The following EYS variants were observed in gnomAD, a reference collection of about 807,000 sequenced individuals.
EYS encodes the protein protein eyes shut homolog.
EYS carries 250 observed loss-of-function variants against 282.1 expected under a neutral mutation model. The ratio of observed to expected loss-of-function variants is 0.89; its 90% confidence interval spans 0.80 to 0.98. The LOEUF is 0.98. Among genes scored for constraint, EYS ranks in the 50% least tolerant of loss-of-function variants. The probability of loss-of-function intolerance (pLI) is 0.00; values close to 1 mark genes in which losing one functional copy is unlikely to be tolerated. For synonymous variants in EYS, 1,355 were observed against 1,282.9 expected, an observed-to-expected ratio of 1.06 and a Z score of -1.20; for missense variants, 4,016 against 3,709.0, an observed-to-expected ratio of 1.08 and a Z score of -2.15.
rs1248002900 is a variant in EYS, at chr6:64,945,796, T to C, written c.2378A>G (p.Tyr793Cys). 8 of 1,549,140 alleles carry C rather than the reference T, an allele frequency of 5.2e-6. No individual in the cohort carries two copies. The highest frequency in any genetic ancestry group is 3.9e-5 in the Admixed American group (2 of 50,894). Residue 793 changes from tyrosine (Y) to cysteine (C), a missense_variant, in exon 15 of 43, where the codon TAT (tyrosine) becomes TGT (cysteine). By Grantham distance (194) the Tyr-to-Cys change is radical. Coordinates refer to ENST00000503581, the MANE Select transcript of EYS (RefSeq NM_001142800.2). ...AAGCTAAAAATATGTTACTCACCGA[T>C]AGCTTTTGTAAAGGTCAGTACAGGT... ...NSTCTDLYKS[Y>C]RCECTSGWTG...
chr6:64,808,084 CTCCCTTCCCTTCT>C (rs1022120035), intron 22 of EYS, among the ~76,000 whole-genome samples: 12 of 149,662 alleles, frequency 8.0e-5, no homozygotes, highest in South Asian at 2.1e-4. Context: ...CCTTCCCTTC[CTCCCTTCCCTTCT>C]TCCCTTCCCT....
intron 12 of EYS, among the ~76,000 whole-genome samples, chr6:65,269,422 T>A (rs1453960828): frequency 6.6e-6 from 1 of 152,142 alleles, no homozygotes; most frequent in Non-Finnish European, 1.5e-5. Flanking sequence ...CATGTGTAGG[T>A]ATTTCCTGAA....
intron 31 of EYS, among the ~76,000 whole-genome samples, chr6:64,186,332 G>C (rs1471983902): frequency 6.6e-6 from 1 of 151,992 alleles, no homozygotes; most frequent in African/African-American, 2.4e-5. Context: ...AGAAAGTAAT[G>C]TGGGAGCCAA....
At chr6:64,161,107 T>A (rs1775092956) in intron 31 of EYS, among the ~76,000 whole-genome samples, 1 of 152,200 alleles carries the variant, frequency 6.6e-6, no homozygotes, top group Non-Finnish European at 1.5e-5. Flanking sequence ...GAATTACCAA[T>A]TTTATATCAA....
chr6:65,677,264 G>A (rs939493248), intron 1 of EYS, among the ~76,000 whole-genome samples: 1 of 151,466 alleles, frequency 6.6e-6, no homozygotes, highest in Non-Finnish European at 1.5e-5. Flanking sequence ...AAATCAGAAA[G>A]GAAGAAATAA....
chr6:63,792,362 A>G (rs1562028467), intron 37 of EYS, among the ~76,000 whole-genome samples: 1 of 152,086 alleles, frequency 6.6e-6, no homozygotes, highest in Non-Finnish European at 1.5e-5. Context: ...GGAGTAGATA[A>G]GAGGAAGAAA....
At chr6:64,330,023 C>T (rs1260547614) in intron 29 of EYS, among the ~76,000 whole-genome samples, 1 of 152,130 alleles carries the variant, frequency 6.6e-6, no homozygotes, top group Non-Finnish European at 1.5e-5. Flanking sequence ...CAACCATTTT[C>T]AAGGAAGCAC....
chr6:64,241,657 TTG>T (rs367952253), intron 30 of EYS, among the ~76,000 whole-genome samples: 79 of 149,062 alleles, frequency 5.3e-4, no homozygotes, highest in Non-Finnish European at 7.3e-4. Context: ...TTGAAGGTTT[TTG>T]TGTGTGTGTG....
At chr6:64,741,832 G>A (rs1772381900) in intron 22 of EYS, among the ~76,000 whole-genome samples, 1 of 152,132 alleles carries the variant, frequency 6.6e-6, no homozygotes, top group Non-Finnish European at 1.5e-5. Flanking sequence ...GTCTTGCTCT[G>A]GATTAGAGTT....
chr6:64,239,461 T>C (rs1355568590), intron 30 of EYS, among the ~76,000 whole-genome samples: 2 of 152,202 alleles, frequency 1.3e-5, no homozygotes, highest in Non-Finnish European at 2.9e-5. Context: ...TGGAGTGAGA[T>C]GGTATCTCAT....
chr6:64,713,681 G>A (rs1306014677), intron 22 of EYS, among the ~76,000 whole-genome samples: 2 of 152,090 alleles, frequency 1.3e-5, no homozygotes, highest in Non-Finnish European at 2.9e-5. Flanking sequence ...CTTGGTTTCA[G>A]GTAAGGTCAA....
intron 1 of EYS, among the ~76,000 whole-genome samples, chr6:65,650,151 A>G (rs544894421): frequency 1.3e-5 from 2 of 152,198 alleles, no homozygotes; most frequent in Non-Finnish European, 2.9e-5. Context: ...CTCATTGCCT[A>G]CATAACTTAT....
chr6:64,824,853 T>C (rs1212530524), intron 19 of EYS, among the ~76,000 whole-genome samples: 1 of 151,844 alleles, frequency 6.6e-6, no homozygotes, highest in Non-Finnish European at 1.5e-5. Context: ...TTTCCTAATG[T>C]TTTATTCATT....
intron 26 of EYS, among the ~76,000 whole-genome samples, chr6:64,568,014 C>A (rs1224189115): frequency 6.6e-6 from 1 of 152,136 alleles, no homozygotes; most frequent in Non-Finnish European, 1.5e-5. Flanking sequence ...ATGGCATTCT[C>A]CATGAGTAGA....
chr6:64,381,528 G>A (rs970846457), intron 29 of EYS, among the ~76,000 whole-genome samples: 3 of 152,134 alleles, frequency 2.0e-5, no homozygotes, highest in Non-Finnish European at 2.9e-5. Context: ...GTGTACAGGT[G>A]AGAATCACTG....
chr6:64,679,604 A>C (rs1769826393), intron 22 of EYS, among the ~76,000 whole-genome samples: 1 of 152,104 alleles, frequency 6.6e-6, no homozygotes, highest in Non-Finnish European at 1.5e-5. Flanking sequence ...TAAAAACATG[A>C]CCAAATTTCC....
intron 40 of EYS, among the ~76,000 whole-genome samples, chr6:63,763,426 A>G (rs772333217): frequency 3.3e-5 from 5 of 152,026 alleles, no homozygotes; most frequent in Non-Finnish European, 7.4e-5. Context: ...TAGTAGAAGT[A>G]TGTCCTGATA....
At chr6:64,729,798 C>G (rs1771893526) in intron 22 of EYS, among the ~76,000 whole-genome samples, 1 of 151,784 alleles carries the variant, frequency 6.6e-6, no homozygotes, top group South Asian at 2.1e-4. Flanking sequence ...ACTGATACAC[C>G]AAGGAATAAA....
rs548815040 is a variant in EYS, at chr6:64,994,206, AT to A, written c.2259+3375del. On this transcript the variant is annotated intron_variant, in intron 14 of 42. Coordinates refer to ENST00000503581, the MANE Select transcript of EYS (RefSeq NM_001142800.2). ...TTATATGCTAGACTTTCAAAAGATT[AT>A]TTTTTCCTCCTATTGTTTTCTTAGA... 5.6e-4 allele frequency among the ~76,000 whole-genome samples: 85 copies of A among 152,060 alleles called. 2 individuals are homozygous for A. The South Asian group carries it at 0.017, about 31-fold the overall frequency.
Sources: allele counts gnomAD v4.1 joint callset (sites outside exome capture counted in the v4.1 genomes callset), GRCh38; gene constraint gnomAD v4.1.1; transcripts MANE v1.5; gene names NCBI Gene and HGNC (gene_info 2026-07-23, HGNC 2026-07-21).